TAB2: variants seen among roughly 807,000 people sequenced by gnomAD.
The protein encoded by TAB2 is TGF-beta-activated kinase 1 and MAP3K7-binding protein 2.
TAB2 carries 3 observed loss-of-function variants against 65.0 expected under a neutral mutation model. The ratio of observed to expected loss-of-function variants is 0.05; its 90% CI spans 0.02 to 0.12. The LOEUF is 0.12. Among genes scored for constraint, TAB2 ranks in the 10% least tolerant of loss-of-function variants. The pLI, the probability that TAB2 is intolerant of heterozygous loss-of-function variation, is 1.00. For synonymous variants in TAB2, 298 were observed against 285.1 expected, an observed-to-expected ratio of 1.05 and a Z score of -0.46; for missense variants, 623 against 840.3, an observed-to-expected ratio of 0.74 and a Z score of 3.20.
chr6:149,303,280 A>T (rs1311442559), intron 1 of TAB2, among the ~76,000 whole-genome samples: 1 of 152,234 alleles, frequency 6.6e-6, no homozygotes, highest in Non-Finnish European at 1.5e-5. Context: ...CTTTTGAATC[A>T]TCCCAAAACC....
intron 6 of TAB2, chr6:149,400,955 G>T: frequency 2.5e-6 from 1 of 401,808 alleles, no homozygotes; most frequent in South Asian, 5.6e-5. Context: ...TACTGATTCT[G>T]TGAAAATACC....
At chr6:149,241,053 AAAAAAAGAGGTC>A (rs1426767675) in intron 1 of TAB2, among the ~76,000 whole-genome samples, 1 of 152,124 alleles carries the variant, frequency 6.6e-6, no homozygotes, top group East Asian at 1.9e-4. Flanking sequence ...ACACAAGCAC[AAAAAAAGAGGTC>A]AAAAAAGAGG....
intron 1 of TAB2, among the ~76,000 whole-genome samples, chr6:149,275,668 G>A (rs771841771): frequency 6.6e-6 from 1 of 152,204 alleles, no homozygotes. Context: ...AGAGAAACCT[G>A]CAAACACTAC....
At chr6:149,238,428 C>G (rs558023067) in intron 1 of TAB2, among the ~76,000 whole-genome samples, 1 of 152,086 alleles carries the variant, frequency 6.6e-6, no homozygotes, top group Non-Finnish European at 1.5e-5. Context: ...GGTTCCAAAT[C>G]GGGGTACATC....
At chr6:149,311,325 T>C (rs1192781137) in intron 1 of TAB2, among the ~76,000 whole-genome samples, 1 of 152,212 alleles carries the variant, frequency 6.6e-6, no homozygotes, top group Non-Finnish European at 1.5e-5. Context: ...ATTTCAACTC[T>C]TGTTCAAGGT....
intron 1 of TAB2, chr6:149,247,822 G>A (rs1777756090): frequency 6.6e-6 from 1 of 152,256 alleles, no homozygotes; most frequent in Non-Finnish European, 1.5e-5. Context: ...GGAACCGGTA[G>A]TGTCCATCTT....
intron 1 of TAB2, among the ~76,000 whole-genome samples, chr6:149,345,314 GTAAATCTCATC>G (rs973647945): frequency 6.6e-6 from 1 of 152,166 alleles, no homozygotes; most frequent in Non-Finnish European, 1.5e-5. Context: ...GAAAGTAACT[GTAAATCTCATC>G]TATCAAGCAT....
At chr6:149,281,730 T>A (rs766801479) in intron 1 of TAB2, among the ~76,000 whole-genome samples, 6 of 151,446 alleles carry the variant, frequency 4.0e-5, no homozygotes, top group Non-Finnish European at 7.4e-5. Flanking sequence ...AACAACCCAA[T>A]TAAAAGACAA....
intron 1 of TAB2, among the ~76,000 whole-genome samples, chr6:149,366,499 G>A (rs1011876648): frequency 9.2e-5 from 14 of 152,178 alleles, no homozygotes; most frequent in Admixed American, 2.6e-4. Flanking sequence ...AAGCAAGTAA[G>A]ACTGCAGGTT....
In TAB2 at chr6:149,365,931, T is replaced by C. The variant is rs901286160; in HGVS notation, c.-89-3978T>C. On this transcript the variant is annotated intron_variant, in intron 1 of 6. Transcript: ENST00000637181. ...TGAATTTTTTTCAGTTATTTTATTTTTTAGTTCTTAAATTTTTATTTGCTT... is the reference window on the plus strand; with the variant it reads ...TGAATTTTTTTCAGTTATTTTATTTCTTAGTTCTTAAATTTTTATTTGCTT... Among the ~76,000 whole-genome samples the C allele has an allele frequency of 9.9e-5, 15 of 152,178 alleles. No individual in the cohort carries two copies. In the South Asian group the frequency reaches 1.7e-3, roughly 17 times the overall value.
At chr6:149,343,123 AAAAC>A (rs1199357405) in intron 1 of TAB2, among the ~76,000 whole-genome samples, 3 of 152,204 alleles carry the variant, frequency 2.0e-5, no homozygotes, top group Non-Finnish European at 4.4e-5. Context: ...AAAAAATTGA[AAAAC>A]AAACATCAAC....
At chr6:149,271,743 G>A (rs2114676384) in intron 1 of TAB2, among the ~76,000 whole-genome samples, 1 of 152,278 alleles carries the variant, frequency 6.6e-6, no homozygotes, top group East Asian at 1.9e-4. Flanking sequence ...GTCCAGCATA[G>A]AGAGGAAATG....
intron 1 of TAB2, among the ~76,000 whole-genome samples, chr6:149,290,417 T>A (rs1430912806): frequency 1.3e-5 from 2 of 152,224 alleles, no homozygotes; most frequent in Non-Finnish European, 2.9e-5. Context: ...ATAACAATTA[T>A]CACCATCCTA....
At chr6:149,231,684 A>C (rs182156915) in intron 1 of TAB2, among the ~76,000 whole-genome samples, 51 of 152,358 alleles carry the variant, frequency 3.3e-4, no homozygotes, top group Non-Finnish European at 5.1e-4. Context: ...TCCTATATTA[A>C]AACACCTAAA....
At chr6:149,340,604 A>G (rs1355870042) in intron 1 of TAB2, among the ~76,000 whole-genome samples, 1 of 152,166 alleles carries the variant, frequency 6.6e-6, no homozygotes, top group Non-Finnish European at 1.5e-5. Flanking sequence ...GACTAGTTAA[A>G]AAATTTAAAA....
At chr6:149,244,355 G>A (rs1250607831) in intron 1 of TAB2, 1 of 152,312 alleles carries the variant, frequency 6.6e-6, no homozygotes, top group Non-Finnish European at 1.5e-5. Flanking sequence ...TGGCGGTGGA[G>A]GGTGGGTGGA....
intron 1 of TAB2, among the ~76,000 whole-genome samples, chr6:149,332,233 A>G (rs1457336175): frequency 3.3e-5 from 5 of 152,174 alleles, no homozygotes; most frequent in African/African-American, 1.2e-4. Context: ...TGGGCAATTC[A>G]TTCGGTATAA....
intron 1 of TAB2, among the ~76,000 whole-genome samples, chr6:149,243,109 A>C (rs559660169): frequency 6.6e-6 from 1 of 152,230 alleles, no homozygotes; most frequent in Non-Finnish European, 1.5e-5. Context: ...TAGTGTAAAC[A>C]CAGGGGTTCA....
intron 6 of TAB2, among the ~76,000 whole-genome samples, chr6:149,403,247 A>ATATATATATATATATAT (rs1446132000): frequency 2.3e-5 from 1 of 44,034 alleles, no homozygotes; most frequent in Admixed American, 3.1e-4. Flanking sequence ...AAAAAAAAAA[A>ATATATATATATATATAT]ATATATATAT....
Sources: allele counts gnomAD v4.1 joint callset (sites outside exome capture counted in the v4.1 genomes callset), GRCh38; gene constraint gnomAD v4.1.1; transcripts MANE v1.5; gene names NCBI Gene and HGNC (gene_info 2026-07-23, HGNC 2026-07-21).